PTGFRN: variants seen among roughly 807,000 people sequenced by gnomAD.
The protein encoded by PTGFRN is prostaglandin F2 receptor negative regulator.
PTGFRN carries 35 observed loss-of-function variants against 83.2 expected under a neutral mutation model. That is an observed-to-expected ratio of 0.42 (90% CI 0.32 to 0.56). PTGFRN has a LOEUF of 0.56. Ranked by LOEUF, PTGFRN falls within the 20% of genes least tolerant of loss-of-function variation. The pLI, the probability that PTGFRN is intolerant of heterozygous loss-of-function variation, is 0.11. For missense variants in PTGFRN, 1,051 were observed against 1,179.5 expected (o/e 0.89, Z 1.60); for synonymous variants, 519 against 498.6 (o/e 1.04, Z -0.55).
rs141723181 is a variant in PTGFRN at position 116,923,467 on chromosome 1, G to A, written c.49+13215G>A. Among the ~76,000 whole-genome samples, 1 of 152,216 alleles carries A rather than the reference G, an allele frequency of 6.6e-6. No individual in the cohort carries two copies. Among genetic ancestry groups the A allele is most frequent in the Non-Finnish European group, 1.5e-5 (1 of 68,012 alleles). ...GAAAAGTCTCCATTCTTCTTCCTGT[G>A]GATTTTCTCGTTTTTTTCCTTGGCA... is the stretch of plus-strand genomic sequence containing the variant. On this transcript the variant is annotated intron_variant, in intron 1 of 8. Coordinates refer to ENST00000393203, the MANE Select transcript of PTGFRN (RefSeq NM_020440.4). This position sits in a 1 kb window ranked among gnomAD's most constrained non-coding sequence, Gnocchi z 4.0.
At chr1:116,919,216 G>T (rs1649478509) in intron 1 of PTGFRN, among the ~76,000 whole-genome samples, 1 of 152,156 alleles carries the variant, frequency 6.6e-6, no homozygotes, top group Non-Finnish European at 1.5e-5. Context: ...AGAGAGGGGT[G>T]TGACTTAGAA....
chr1:116,934,270 T>C (rs1649867068), intron 1 of PTGFRN, among the ~76,000 whole-genome samples: 1 of 151,916 alleles, frequency 6.6e-6, no homozygotes. Flanking sequence ...CTCAGCCTCC[T>C]GAGTAGCTGG....
At position 116,941,586 on chromosome 1, in the gene PTGFRN, T is replaced by C; in HGVS notation, c.50-129T>C. 2.3e-6 allele frequency: 3 copies of C among 1,278,858 alleles called. No individual in the cohort carries two copies. The highest frequency in any genetic ancestry group is 3.2e-6 in the Non-Finnish European group (3 of 933,354). The allele number at this position is 1,278,858 out of a possible 1,614,324, so 79.2% of individuals were successfully genotyped here. On this transcript the variant is annotated intron_variant, in intron 1 of 8. Coordinates refer to ENST00000393203, the MANE Select transcript of PTGFRN (RefSeq NM_020440.4). This position sits in a 1 kb window ranked among gnomAD's most constrained non-coding sequence, Gnocchi z 5.0. ...AGGCTTAACCTTCTGCATAGATACATTTTCCCTAGTAGTTTGGCTGTCACG... is the reference window on the plus strand; with the variant it reads ...AGGCTTAACCTTCTGCATAGATACACTTTCCCTAGTAGTTTGGCTGTCACG...
chr1:116,919,778 T>C (rs768696604), intron 1 of PTGFRN, among the ~76,000 whole-genome samples: 3 of 152,254 alleles, frequency 2.0e-5, no homozygotes, highest in Non-Finnish European at 4.4e-5. Context: ...AATATATCTT[T>C]GAAAACACTG....
chr1:116,986,758 C>G (rs375192839), intron 8 of PTGFRN, 43 bp from the exon 9 acceptor site: 6 of 1,597,874 alleles, frequency 3.8e-6, no homozygotes, highest in Non-Finnish European at 4.3e-6. Flanking sequence ...AGCGGCCTCC[C>G]TCGCAGCACT....
At chr1:116,981,409 T>G (rs573089832) in intron 7 of PTGFRN, among the ~76,000 whole-genome samples, 2 of 152,332 alleles carry the variant, frequency 1.3e-5, no homozygotes, top group African/African-American at 2.4e-5. Flanking sequence ...GTCACAAGTT[T>G]CTATGTGGAG....
At chr1:116,948,501 A>G (rs4433378) in intron 3 of PTGFRN, among the ~76,000 whole-genome samples, 51,433 of 152,110 alleles carry the variant, frequency 0.34, 10,269 homozygotes, top group South Asian at 0.49. Flanking sequence ...CTCTCAGTAC[A>G]TTACATTTTG....
rs1650855585 is a variant in PTGFRN at position 116,966,946 on chromosome 1, C to T, written c.1675C>T (p.Pro559Ser). Residue 559 changes from proline to serine, a missense_variant, in exon 6 of 9, where the codon CCT (proline) becomes TCT (serine). Pro to Ser is a moderately conservative substitution (Grantham distance 74, BLOSUM62 -1). Transcript: ENST00000393203. ...TGTGGTGAAGGCGAGGCAGCCAAAG[C>T]CTTTCTTTGCTGCCGGAAATACATT... ...VLVVKARQPK[P>S]FFAAGNTFEM... is the part of the protein sequence containing the mutation. 6.2e-7 allele frequency: 1 copy of T among 1,609,880 alleles called. No homozygotes were observed. Among genetic ancestry groups the T allele is most frequent in the Non-Finnish European group, 8.5e-7 (1 of 1,176,576 alleles).
In PTGFRN at chr1:116,952,160, T is replaced by G. The variant is rs1298583889; in HGVS notation, c.1213+2588T>G. 6.6e-6 allele frequency among the ~76,000 whole-genome samples: 1 copy of G among 152,252 alleles called. No homozygotes were observed. The highest frequency in any genetic ancestry group is 6.5e-5 in the Admixed American group (1 of 15,290). On this transcript the variant is annotated intron_variant, in intron 4 of 8. Coordinates refer to ENST00000393203, the MANE Select transcript of PTGFRN (RefSeq NM_020440.4). This position sits in a 1 kb window ranked among gnomAD's most constrained non-coding sequence, Gnocchi z 4.0. ...GACTAAGGACCTTATATGCATTAAA[T>G]GTTCAATGTGAAAATATTTTTGGCC...
At position 116,941,156 on chromosome 1, in the gene PTGFRN, T is replaced by A. The variant is rs1650048615; in HGVS notation, c.50-559T>A. 2.0e-5 allele frequency among the ~76,000 whole-genome samples: 3 copies of A among 152,184 alleles called. No homozygotes were observed. The highest frequency in any genetic ancestry group is 6.5e-5 in the Admixed American group (1 of 15,274). ...AGCCAGAAAATAGAAAATTAATACT[T>A]GGTAAAATCATCATATTTTAAAATT... On this transcript the variant is annotated intron_variant, in intron 1 of 8. Transcript: ENST00000393203. The surrounding 1 kb of genome is among the most constrained non-coding windows in gnomAD (Gnocchi z 5.0).
At chr1:116,917,027 G>A (rs1276609297) in intron 1 of PTGFRN, among the ~76,000 whole-genome samples, 1 of 152,074 alleles carries the variant, frequency 6.6e-6, no homozygotes, top group Non-Finnish European at 1.5e-5. Flanking sequence ...GGGAGAGCAC[G>A]CTGTCGGAAG....
intron 1 of PTGFRN, among the ~76,000 whole-genome samples, chr1:116,922,039 A>T (rs1173866667): frequency 6.6e-6 from 1 of 152,116 alleles, no homozygotes; most frequent in Non-Finnish European, 1.5e-5. Flanking sequence ...ACCTTAGGGG[A>T]CGTGGATATT....
At chr1:116,983,616 T>G (rs762393590) in intron 7 of PTGFRN, among the ~76,000 whole-genome samples, 13 of 152,160 alleles carry the variant, frequency 8.5e-5, no homozygotes, top group Admixed American at 6.5e-5. Flanking sequence ...TTGGATAATT[T>G]CATAGAAATT....
intron 7 of PTGFRN, among the ~76,000 whole-genome samples, chr1:116,975,148 G>A (rs1026241502): frequency 1.3e-5 from 2 of 152,182 alleles, no homozygotes; most frequent in African/African-American, 4.8e-5. Context: ...GTCTGAGATC[G>A]AACTGCAAGG....
chr1:116,936,839 G>A (rs537997924), intron 1 of PTGFRN, among the ~76,000 whole-genome samples: 3 of 152,110 alleles, frequency 2.0e-5, no homozygotes, highest in South Asian at 4.2e-4. Context: ...TATTTTACCA[G>A]GTCCTGTTCT....
rs1237127183 is a variant in PTGFRN, at chr1:116,984,952, T to C, written c.2440T>C (p.Ser814Pro). 3 of 1,613,908 alleles carry C rather than the reference T, an allele frequency of 1.9e-6. No individual in the cohort carries two copies. In the African/African-American group the frequency reaches 4.0e-5, roughly 22 times the overall value. ...GSWQKEAEIH[S>P]KPVFITVKMD... ...CTGGCAGAAGGAGGCAGAGATCCAC[T>C]CCAAGCCCGTTTTTATAACTGTGAA... Residue 814 changes from serine to proline, a missense_variant, in exon 8 of 9, where the codon TCC (serine) becomes CCC (proline). Coordinates refer to ENST00000393203, the MANE Select transcript of PTGFRN (RefSeq NM_020440.4).
chr1:116,948,196 G>A (rs921711484), intron 3 of PTGFRN, among the ~76,000 whole-genome samples: 1 of 152,088 alleles, frequency 6.6e-6, no homozygotes, highest in Non-Finnish European at 1.5e-5. Flanking sequence ...ATTGTTCCCG[G>A]ACATTTCACA....
rs1204244473 is a variant in PTGFRN at position 116,952,131 on chromosome 1, A to G, written c.1213+2559A>G. Among the ~76,000 whole-genome samples the G allele has an allele frequency of 2.0e-5, 3 of 152,254 alleles. No individual in the cohort carries two copies. The highest frequency in any genetic ancestry group is 2.9e-5 in the Non-Finnish European group (2 of 68,050). ...ATTGAGCATCTACTGTGTGCCAGGC[A>G]CTGGACTAAGGACCTTATATGCATT... On this transcript the variant is annotated intron_variant, in intron 4 of 8. Transcript: ENST00000393203. This position sits in a 1 kb window ranked among gnomAD's most constrained non-coding sequence, Gnocchi z 4.0.
At chr1:116,984,355 C>G (rs541783641) in intron 7 of PTGFRN, among the ~76,000 whole-genome samples, 1 of 152,060 alleles carries the variant, frequency 6.6e-6, no homozygotes, top group African/African-American at 2.4e-5. Flanking sequence ...TTGGCCCTGA[C>G]TCTTCTTCCT....
Sources: allele counts gnomAD v4.1 joint callset (sites outside exome capture counted in the v4.1 genomes callset), GRCh38; gene constraint gnomAD v4.1.1; non-coding constraint Gnocchi (gnomAD v3.1); transcripts MANE v1.5; gene names NCBI Gene and HGNC (gene_info 2026-07-23, HGNC 2026-07-21).